ST6GAL2: variants seen among roughly 807,000 people sequenced by gnomAD.
ST6GAL2 encodes the protein beta-galactoside alpha-2,6-sialyltransferase 2.
ST6GAL2 carries 24 observed loss-of-function variants against 37.5 expected under a neutral mutation model. The observed-to-expected ratio is 0.64, with a 90% confidence interval of 0.46 to 0.90. ST6GAL2 has a LOEUF of 0.90. ST6GAL2 is among the 40% of genes least tolerant of loss of function. ST6GAL2 has a pLI of 0.00. For synonymous variants in ST6GAL2, 306 were observed against 295.1 expected, an observed-to-expected ratio of 1.04 and a Z score of -0.38; for missense variants, 715 against 712.7, an observed-to-expected ratio of 1.00 and a Z score of -0.04.
intron 5 of ST6GAL2, among the ~76,000 whole-genome samples, chr2:106,826,556 A>AAT (rs1553418234): frequency 1.4e-5 from 2 of 144,610 alleles, no homozygotes; most frequent in Non-Finnish European, 3.0e-5. Context: ...AAAAAAAAAA[A>AAT]AATCAGAAAA....
At chr2:106,840,712 C>A (rs983973227) in intron 2 of ST6GAL2, among the ~76,000 whole-genome samples, 1 of 152,134 alleles carries the variant, frequency 6.6e-6, no homozygotes, top group Non-Finnish European at 1.5e-5. Flanking sequence ...GACTTCTCAG[C>A]GTCTTTCACG....
intron 5 of ST6GAL2, among the ~76,000 whole-genome samples, chr2:106,828,523 A>C (rs1382171408): frequency 6.6e-6 from 1 of 152,202 alleles, no homozygotes; most frequent in Non-Finnish European, 1.5e-5. Flanking sequence ...TCATATTGTA[A>C]ATTTTGTTTT....
Position 106,801,603 on chromosome 2 carries a change from T to C in ST6GAL2, c.*5075A>G, listed in dbSNP as rs1675265787. ...TCTACGAATTAAAACAAGAAACTTCTAGACAAATGAAAACATGTTTTATTT... is the reference window on the plus strand; with the variant it reads ...TCTACGAATTAAAACAAGAAACTTCCAGACAAATGAAAACATGTTTTATTT... On this transcript the variant is annotated 3_prime_UTR_variant, in exon 6 of 6. Coordinates refer to ENST00000409382, the MANE Select transcript of ST6GAL2 (RefSeq NM_001142351.2). 1 of 152,244 alleles carries C rather than the reference T, an allele frequency of 6.6e-6. No individual in the cohort carries two copies. Among genetic ancestry groups the C allele is most frequent in the Non-Finnish European group, 1.5e-5 (1 of 68,046 alleles). The allele number at this position is 152,244 out of a possible 1,614,324, so 9.4% of individuals were successfully genotyped here.
At chr2:106,839,590 G>A (rs1337922504) in intron 2 of ST6GAL2, among the ~76,000 whole-genome samples, 1 of 151,996 alleles carries the variant, frequency 6.6e-6, no homozygotes, top group Non-Finnish European at 1.5e-5. Flanking sequence ...TTTTTAAAAG[G>A]TAACAGGACA....
chr2:106,842,968 A>G (rs1676956239), intron 2 of ST6GAL2, 67 bp downstream of exon 2: 1 of 1,223,496 alleles, frequency 8.2e-7, no homozygotes, highest in South Asian at 2.8e-5. Context: ...GCGCGCTCAG[A>G]AAGAACCGGC....
chr2:106,836,823 T>G (rs553197012), intron 2 of ST6GAL2, among the ~76,000 whole-genome samples: 162 of 146,224 alleles, frequency 1.1e-3, no homozygotes, highest in Non-Finnish European at 1.8e-3. Context: ...GGTGCATGCC[T>G]GTAATCCCAG....
chr2:106,809,521 T>C (rs1573199488), intron 5 of ST6GAL2, among the ~76,000 whole-genome samples: 4 of 152,348 alleles, frequency 2.6e-5, no homozygotes, highest in South Asian at 2.1e-4. Context: ...GCCAATCTTA[T>C]ACTTAGGGGA....
intron 1 of ST6GAL2, among the ~76,000 whole-genome samples, chr2:106,866,987 C>T (rs970969270): frequency 6.6e-6 from 1 of 151,900 alleles, no homozygotes; most frequent in Non-Finnish European, 1.5e-5. Context: ...AAAAAACATA[C>T]CAATAATTAC....
chr2:106,826,822 C>A (rs1001076790), intron 5 of ST6GAL2, among the ~76,000 whole-genome samples: 6 of 152,182 alleles, frequency 3.9e-5, no homozygotes, highest in Non-Finnish European at 5.9e-5. Context: ...CACTATGAAG[C>A]CAACCATGTG....
chr2:106,859,823 C>T (rs983130270), intron 1 of ST6GAL2, among the ~76,000 whole-genome samples: 7 of 152,076 alleles, frequency 4.6e-5, no homozygotes, highest in Non-Finnish European at 8.8e-5. Flanking sequence ...TCAAATGGAA[C>T]TTTAACATGG....
rs773554422 is a variant in ST6GAL2, at chr2:106,832,525, G to T, written c.1143+40C>A. 1.3e-5 allele frequency: 14 copies of T among 1,060,748 alleles called. No individual in the cohort carries two copies. In the East Asian group the frequency reaches 1.7e-4, roughly 13 times the overall value. 65.7% of individuals were successfully genotyped at this position (1,060,748 alleles called of 1,614,324 possible). ...TTATGATTAATTAGTCAAAGCCATT[G>T]TCTGACCGTTGGGGTGGGCAAATCC... On this transcript the variant is annotated intron_variant, in intron 4 of 5. Coordinates refer to ENST00000409382, the MANE Select transcript of ST6GAL2 (RefSeq NM_001142351.2).
chr2:106,842,473 T>C (rs1261149403), intron 2 of ST6GAL2, among the ~76,000 whole-genome samples: 1 of 152,224 alleles, frequency 6.6e-6, no homozygotes, highest in African/African-American at 2.4e-5. Context: ...ATGGGAAAGA[T>C]GTTCCCAACA....
chr2:106,812,714 T>C (rs1675655808), intron 5 of ST6GAL2, among the ~76,000 whole-genome samples: 1 of 152,214 alleles, frequency 6.6e-6, no homozygotes, highest in Non-Finnish European at 1.5e-5. Flanking sequence ...CATTACTTTG[T>C]AATCATTTCC....
chr2:106,816,046 A>G (rs1010776420), intron 5 of ST6GAL2, among the ~76,000 whole-genome samples: 3 of 152,206 alleles, frequency 2.0e-5, no homozygotes, highest in Non-Finnish European at 4.4e-5. Context: ...GGTATACACT[A>G]AAATAAAGTC....
chr2:106,811,651 T>C (rs1362674741), intron 5 of ST6GAL2, among the ~76,000 whole-genome samples: 2 of 152,154 alleles, frequency 1.3e-5, no homozygotes, highest in Non-Finnish European at 2.9e-5. Context: ...GAAAAATGTT[T>C]ATGAACTACC....
At chr2:106,879,308 TA>T (rs1678644593) in intron 1 of ST6GAL2, among the ~76,000 whole-genome samples, 1 of 152,190 alleles carries the variant, frequency 6.6e-6, no homozygotes, top group Non-Finnish European at 1.5e-5. Flanking sequence ...GTGAAGCAAG[TA>T]ACAAATGTTT....
At chr2:106,859,723 T>C (rs1293393588) in intron 1 of ST6GAL2, among the ~76,000 whole-genome samples, 3 of 152,180 alleles carry the variant, frequency 2.0e-5, no homozygotes, top group Non-Finnish European at 4.4e-5. Context: ...GCCTCTCACC[T>C]GAACTATGAA....
chr2:106,827,260 C>A (rs752119781), intron 5 of ST6GAL2, among the ~76,000 whole-genome samples: 5 of 152,172 alleles, frequency 3.3e-5, no homozygotes, highest in Non-Finnish European at 7.4e-5. Flanking sequence ...TGGGTGACAT[C>A]ATTTTACTGC....
intron 1 of ST6GAL2, among the ~76,000 whole-genome samples, chr2:106,846,239 A>G (rs1677140395): frequency 1.3e-5 from 2 of 152,346 alleles, no homozygotes; most frequent in South Asian, 4.1e-4. Flanking sequence ...TTGTTGTTCT[A>G]AACCACGAAG....
Sources: allele counts gnomAD v4.1 joint callset (sites outside exome capture counted in the v4.1 genomes callset), GRCh38; gene constraint gnomAD v4.1.1; transcripts MANE v1.5; gene names NCBI Gene and HGNC (gene_info 2026-07-23, HGNC 2026-07-21).